The following CLSPN variants were observed in gnomAD, a reference collection of about 807,000 sequenced individuals.
The protein encoded by CLSPN is claspin homolog.
CLSPN carries 85 observed loss-of-function variants against 156.3 expected under a neutral mutation model. That is an observed-to-expected ratio of 0.54 (90% CI 0.46 to 0.65). The LOEUF is 0.65. Among genes scored for constraint, CLSPN ranks in the 30% least tolerant of loss-of-function variants. The pLI is 0.00. For synonymous variants in CLSPN, 534 were observed against 542.4 expected (o/e 0.98, Z 0.22); for missense variants, 1,407 against 1,554.9 (o/e 0.90, Z 1.60).
intron 24 of CLSPN, among the ~76,000 whole-genome samples, chr1:35,726,632 G>A (rs1009325904): frequency 6.6e-6 from 1 of 152,194 alleles, no homozygotes; most frequent in Non-Finnish European, 1.5e-5. Flanking sequence ...AGCAGAACAG[G>A]GAGAGCCAGA....
Position 35,751,303 on chromosome 1 carries a change from GTTC to G in CLSPN, c.1972_1974del (p.Glu658del), listed in dbSNP as rs778054999. ...TCTTCTTTCTCCTCCTCTTCCTCTA[GTTC>G]TTCCTCTTTCTCTTCTTTCTCTACC... On this transcript the variant is annotated inframe_deletion, in exon 10 of 25. Coordinates refer to ENST00000318121, the MANE Select transcript of CLSPN (RefSeq NM_022111.4). 2 of 1,585,908 alleles carry G rather than the reference GTTC, an allele frequency of 1.3e-6. No individual in the cohort carries two copies. The highest frequency in any genetic ancestry group is 2.2e-5 in the South Asian group (2 of 90,432).
At chr1:35,769,740 G>A (rs1008106658) in intron 1 of CLSPN, 107 bp downstream of exon 1, 30 of 1,116,116 alleles carry the variant, frequency 2.7e-5, no homozygotes, top group Non-Finnish European at 2.9e-5. Context: ...GGGAGCCGCA[G>A]TCCTCCCGCC....
intron 1 of CLSPN, 131 bp downstream of exon 1, chr1:35,769,716 G>C: frequency 1.2e-6 from 1 of 809,760 alleles, no homozygotes; most frequent in South Asian, 2.5e-5. Flanking sequence ...GCGGGAGCCG[G>C]CGCGGCGAAC....
Position 35,733,320 on chromosome 1 carries a change from CTTTTTTTTT to C in CLSPN, c.*3167_*3175del, listed in dbSNP as rs1222789867. The C allele has an allele frequency of 6.6e-5, 9 of 136,018 alleles. No homozygotes were observed. The highest frequency in any genetic ancestry group is 1.3e-4 in the Non-Finnish European group (9 of 70,026). The allele number at this position is 136,018 out of a possible 1,614,324, so 8.4% of individuals were successfully genotyped here. Reference sequence around the variant, plus strand: ...CAGGCACTAATTTTCTTTTTTTTTTCTTTTTTTTTTTTTTTTTAGAGTTGGGATTTCACC... The same window carrying C: ...CAGGCACTAATTTTCTTTTTTTTTTCTTTTTTTTAGAGTTGGGATTTCACC... On this transcript the variant is annotated 3_prime_UTR_variant, in exon 25 of 25. Coordinates refer to ENST00000318121, the MANE Select transcript of CLSPN (RefSeq NM_022111.4).
Position 35,732,772 on chromosome 1 carries a change from G to A in CLSPN, c.*3724C>T, listed in dbSNP as rs536474136. ...TCATTAAAACATAACTGATGCTGCT[G>A]GCTCAGTGCTTTGGGCAAAGGGCAT... On this transcript the variant is annotated 3_prime_UTR_variant, in exon 25 of 25. Coordinates refer to ENST00000318121, the MANE Select transcript of CLSPN (RefSeq NM_022111.4). 2.6e-3 allele frequency: 2,523 copies of A among 985,244 alleles called. 7 individuals carry two copies. The highest frequency in any genetic ancestry group is 2.7e-3 in the Non-Finnish European group (2,256 of 829,930). The allele number at this position is 985,244 out of a possible 1,614,324, so 61.0% of individuals were successfully genotyped here. A position where few individuals can be genotyped will look rare whatever the true frequency, so the allele number is the denominator to read the frequency against.
In CLSPN at chr1:35,760,709, A is replaced by C; in HGVS notation, c.1212T>G (p.Asn404Lys). 1 of 1,614,060 alleles carries C rather than the reference A, an allele frequency of 6.2e-7. No homozygotes were observed. The highest frequency in any genetic ancestry group is 2.2e-5 in the East Asian group (1 of 44,884). Residue 404 changes from asparagine to lysine, a missense_variant, in exon 8 of 25, where the codon AAT becomes AAG. Physicochemically the swap from Asn to Lys is moderately conservative, Grantham distance 94 (BLOSUM62 0). Coordinates refer to ENST00000318121, the MANE Select transcript of CLSPN (RefSeq NM_022111.4). ...DESCRKDLVK[N>K]EELEIQEKQK... ...GTTTCTCCTGAATTTCTAGCTCTTC[A>C]TTTTTTACCAAATCCTTCCTGCAAG...
rs544074110 is a variant in CLSPN at position 35,765,052 on chromosome 1, G to A, written c.133+166C>T. Among the ~76,000 whole-genome samples, 13 of 152,208 alleles carry A rather than the reference G, an allele frequency of 8.5e-5. No homozygotes were observed. In the East Asian group the frequency reaches 2.1e-3, roughly 25 times the overall value. On this transcript the variant is annotated intron_variant, in intron 2 of 24. Transcript: ENST00000318121. Reference sequence around the variant, plus strand: ...ATTAGACATTCAACAATATAACATAGTTTCAAAAAGGTACAAGCACTGTTA... The same window carrying A: ...ATTAGACATTCAACAATATAACATAATTTCAAAAAGGTACAAGCACTGTTA...
At position 35,753,922 on chromosome 1, in the gene CLSPN, T is replaced by G. The variant is rs200949278; in HGVS notation, c.1594A>C (p.Lys532Gln). 6 of 1,614,062 alleles carry G rather than the reference T, an allele frequency of 3.7e-6. No individual in the cohort carries two copies. The highest frequency in any genetic ancestry group is 5.1e-6 in the Non-Finnish European group (6 of 1,180,034). Residue 532 changes from lysine (K) to glutamine (Q), a missense_variant, in exon 9 of 25, where the codon AAG becomes CAG. By Grantham distance (53) the Lys-to-Gln change is moderately conservative (BLOSUM62 1). Coordinates refer to ENST00000318121, the MANE Select transcript of CLSPN (RefSeq NM_022111.4). ...TTAGCATGCTTCCAGAAACGCTGCT[T>G]CAAGGCTTCCAGTTCTAAACCCAAA... ...PETNRELEALKQRFWKHANPA... is the reference protein window; with the variant it reads ...PETNRELEALQQRFWKHANPA...
chr1:35,724,158 C>T (rs867216416), intron 24 of CLSPN, among the ~76,000 whole-genome samples: 16 of 152,082 alleles, frequency 1.1e-4, no homozygotes, highest in African/African-American at 2.9e-4. Context: ...AGGCTGGTCT[C>T]GAACTCCCAA....
chr1:35,724,762 G>A (rs1021854777), intron 24 of CLSPN, among the ~76,000 whole-genome samples: 1 of 152,214 alleles, frequency 6.6e-6, no homozygotes, highest in African/African-American at 2.4e-5. Context: ...ATGCCAAAGA[G>A]CCATTAAGGC....
chr1:35,756,078 C>A (rs1255874722), intron 8 of CLSPN, among the ~76,000 whole-genome samples: 1 of 152,074 alleles, frequency 6.6e-6, no homozygotes, highest in Non-Finnish European at 1.5e-5. Flanking sequence ...TCTAGACGGT[C>A]TTACTAGAAA....
intron 2 of CLSPN, 147 bp downstream of exon 2, chr1:35,765,071 A>G (rs762099159): frequency 5.4e-5 from 33 of 605,582 alleles, no homozygotes; most frequent in Middle Eastern, 2.9e-4. Flanking sequence ...AGGTACAAGC[A>G]CTGTTATTTT....
chr1:35,762,211 T>A lies in CLSPN; in HGVS notation c.823-141A>T, dbSNP rs1415287188. ...GAGTAAGCCCAAATGCAGTATAAAC[T>A]CAAGGAATTCATTTATTCCCAAGTC... On this transcript the variant is annotated intron_variant, in intron 5 of 24. Coordinates refer to ENST00000318121, the MANE Select transcript of CLSPN (RefSeq NM_022111.4). The A allele has an allele frequency of 1.0e-5, 8 of 794,092 alleles. No individual in the cohort carries two copies. In the East Asian group the frequency reaches 2.1e-4, roughly 21 times the overall value. 49.2% of individuals were successfully genotyped at this position (794,092 alleles called of 1,614,324 possible).
chr1:35,765,994 C>CTTT (rs549426437), intron 1 of CLSPN, among the ~76,000 whole-genome samples: 5 of 106,456 alleles, frequency 4.7e-5, no homozygotes, highest in Admixed American at 2.5e-4. Flanking sequence ...CTCTCTCTCT[C>CTTT]TTTTTTTTTT....
intron 2 of CLSPN, 45 bp from the exon 3 acceptor site, chr1:35,764,759 C>T (rs1642613558): frequency 7.9e-7 from 1 of 1,267,078 alleles, no homozygotes; most frequent in East Asian, 2.4e-5. Context: ...ATTTGATCTT[C>T]CTCCTAGTCC....
chr1:35,726,022 C>T (rs879806719), intron 24 of CLSPN, among the ~76,000 whole-genome samples: 7 of 151,952 alleles, frequency 4.6e-5, no homozygotes, highest in South Asian at 4.2e-4. Flanking sequence ...GACTACATTA[C>T]GGGAGGCCTT....
chr1:35,726,436 A>G (rs1264496766), intron 24 of CLSPN, among the ~76,000 whole-genome samples: 1 of 151,936 alleles, frequency 6.6e-6, no homozygotes, highest in African/African-American at 2.4e-5. Context: ...GAAGACAGGT[A>G]AGCAAAGATG....
At chr1:35,741,015 A>G (rs1050565981) in intron 18 of CLSPN, among the ~76,000 whole-genome samples, 1 of 152,230 alleles carries the variant, frequency 6.6e-6, no homozygotes, top group African/African-American at 2.4e-5. Flanking sequence ...AAAAGCAACC[A>G]TATAAATCTA....
intron 3 of CLSPN, among the ~76,000 whole-genome samples, 158 bp from the exon 4 acceptor site, chr1:35,763,479 T>C (rs183804280): frequency 6.6e-6 from 1 of 152,358 alleles, no homozygotes; most frequent in Admixed American, 6.5e-5. Flanking sequence ...CTAACTCACA[T>C]GTATCCTTTG....
Sources: allele counts gnomAD v4.1 joint callset (sites outside exome capture counted in the v4.1 genomes callset), GRCh38; gene constraint gnomAD v4.1.1; transcripts MANE v1.5; gene names NCBI Gene and HGNC (gene_info 2026-07-23, HGNC 2026-07-21).